The following RASSF5 variants were observed in gnomAD, a reference collection of about 807,000 sequenced individuals.
The protein encoded by RASSF5 is Ras association domain family member 5.
A neutral mutation model predicts 40.5 loss-of-function variants in RASSF5; 25 were observed. That is an observed-to-expected ratio of 0.62 (90% confidence interval 0.45 to 0.86). The LOEUF (loss-of-function observed/expected upper bound fraction) is 0.86. RASSF5 is among the 40% of genes least tolerant of loss of function. RASSF5 has a pLI of 0.00. For missense variants in RASSF5, 521 were observed against 572.8 expected, an observed-to-expected ratio of 0.91 and a Z score of 0.92; for synonymous variants, 246 against 252.4, an observed-to-expected ratio of 0.97 and a Z score of 0.24.
chr1:206,551,061 C>T (rs1172039525), intron 2 of RASSF5, among the ~76,000 whole-genome samples: 1 of 152,138 alleles, frequency 6.6e-6, no homozygotes, highest in Non-Finnish European at 1.5e-5. Context: ...TCTGTGGCCA[C>T]CAGAAATGAG....
At chr1:206,518,305 G>A (rs1401895097) in intron 1 of RASSF5, 4 of 396,520 alleles carry the variant, frequency 1.0e-5, no homozygotes, top group African/African-American at 2.1e-5. Context: ...CGAGGCCCAG[G>A]GCCCTCCCCG....
chr1:206,538,766 G>A (rs1328445937), intron 2 of RASSF5, among the ~76,000 whole-genome samples: 3 of 152,216 alleles, frequency 2.0e-5, no homozygotes, highest in African/African-American at 7.2e-5. Flanking sequence ...TTGGTTCTGG[G>A]TTTTGTAAAG....
At chr1:206,508,731 C>T (rs898741413) in intron 1 of RASSF5, among the ~76,000 whole-genome samples, 1 of 152,086 alleles carries the variant, frequency 6.6e-6, no homozygotes, top group Non-Finnish European at 1.5e-5. Flanking sequence ...TGCCTCCTCC[C>T]CTTCCTCCTC....
intron 2 of RASSF5, among the ~76,000 whole-genome samples, chr1:206,569,184 G>T (rs1259231613): frequency 4.6e-5 from 7 of 152,232 alleles, no homozygotes; most frequent in Admixed American, 4.6e-4. Flanking sequence ...TTTATTTAAC[G>T]TGTATTCGCG....
At chr1:206,557,486 C>T in intron 2 of RASSF5, 2 of 1,583,290 alleles carry the variant, frequency 1.3e-6, no homozygotes, top group Non-Finnish European at 1.7e-6. Flanking sequence ...CAAGCGGAGC[C>T]CGGGGAGGGG....
intron 1 of RASSF5, among the ~76,000 whole-genome samples, chr1:206,526,597 C>T (rs1234711865): frequency 2.0e-5 from 3 of 152,104 alleles, no homozygotes; most frequent in Non-Finnish European, 4.4e-5. Flanking sequence ...GCAATGGCTG[C>T]AGACCTCCAG....
intron 1 of RASSF5, among the ~76,000 whole-genome samples, chr1:206,523,794 A>T (rs1443134573): frequency 1.9e-5 from 2 of 102,878 alleles, no homozygotes; most frequent in African/African-American, 8.1e-5. Flanking sequence ...AATATATTTT[A>T]TATATAATGT....
rs78394637 is a variant in RASSF5 at position 206,508,050 on chromosome 1, C to A, written c.448C>A (p.Arg150Ser). ...ACGAGAGGTGCTGCGGCAGGCGCTG[C>A]GCTGCACTAGTAAGTGTGAAGGCAG... ...CGREVLRQAL[R>S]CTNCKFTCHP... Residue 150 changes from arginine (R) to serine (S), a missense_variant, in exon 1 of 6, where the codon CGC (arginine) becomes AGC (serine). This residue lies in a region of RASSF5 where 284 missense variants were observed against 360.8 expected (regional missense o/e 0.79). Transcript: ENST00000579436. The A allele has an allele frequency of 6.4e-6, 9 of 1,401,396 alleles. No individual in the cohort carries two copies. The highest frequency in any genetic ancestry group is 6.5e-6 in the Non-Finnish European group (7 of 1,077,654). The allele number at this position is 1,401,396 out of a possible 1,614,324, so 86.8% of individuals were successfully genotyped here.
Position 206,583,376 on chromosome 1 carries a change from A to G in RASSF5, c.687A>G (p.Lys229=). The change falls in exon 3 of 6, where the codon AAA becomes AAG. Residue 229 remains lysine (K), a synonymous_variant. Transcript: ENST00000579436. The stretch of plus-strand genomic sequence containing the variant: ...GAGAGAAGAACTGCCTGGGCATGAA[A>G]CTGGTAAGCGCCCGTCCACCCTCAA... The part of the protein sequence containing the change: ...NTREKNCLGM[K]LSEDGTYTGF... The G allele has an allele frequency of 3.1e-6, 5 of 1,605,958 alleles. No homozygotes were observed. Among genetic ancestry groups the G allele is most frequent in the Non-Finnish European group, 4.3e-6 (5 of 1,172,932 alleles).
intron 1 of RASSF5, among the ~76,000 whole-genome samples, chr1:206,528,736 A>T (rs561494440): frequency 6.6e-6 from 1 of 152,120 alleles, no homozygotes. Flanking sequence ...AAAAAAGTCT[A>T]TTTTAAAAAA....
chr1:206,507,757 C>T lies in RASSF5; in HGVS notation c.155C>T (p.Thr52Ile). 2 of 1,433,040 alleles carry T rather than the reference C, an allele frequency of 1.4e-6. No individual in the cohort carries two copies. Among genetic ancestry groups the T allele is most frequent in the South Asian group, 2.8e-5 (2 of 70,528 alleles). 88.8% of individuals were successfully genotyped at this position (1,433,040 alleles called of 1,614,324 possible). ...SRLCVPAPLS[T>I]APGAREGRSA... ...CTCTGTGTCCCGGCGCCCCTCTCCA[C>T]TGCGCCCGGGGCGCGCGAGGGGCGC... The change falls in exon 1 of 6, where the codon ACT becomes ATT. Residue 52 changes from threonine to isoleucine, a missense_variant. Thr to Ile is a moderately conservative substitution (Grantham distance 89). This residue lies in a region of RASSF5 where 237 missense variants were observed against 212.0 expected (regional missense o/e 1.12). Transcript: ENST00000579436.
In RASSF5 at chr1:206,535,641, C is replaced by A. The variant is rs546256609; in HGVS notation, c.458-2531C>A. ...ATCCCAGAACACTTCTCAGAGTCTT[C>A]TGCTACTTAGTGTTGTCCAGCTCAG... On this transcript the variant is annotated intron_variant, in intron 1 of 5. Coordinates refer to ENST00000579436, the MANE Select transcript of RASSF5 (RefSeq NM_182663.4). This position sits in a 1 kb window ranked among gnomAD's most constrained non-coding sequence, Gnocchi z 5.0. Among the ~76,000 whole-genome samples, 620 of 151,922 alleles carry A rather than the reference C, an allele frequency of 4.1e-3. 4 individuals are homozygous for A. The highest frequency in any genetic ancestry group is 5.5e-3 in the Non-Finnish European group (377 of 67,988).
At chr1:206,548,874 ATTTTGTTTTG>A (rs1397726401) in intron 2 of RASSF5, among the ~76,000 whole-genome samples, 13 of 151,716 alleles carry the variant, frequency 8.6e-5, no homozygotes, top group Admixed American at 4.6e-4. Context: ...GTTTTGTTTT[ATTTTGTTTTG>A]AGACAGAGTC....
intron 1 of RASSF5, among the ~76,000 whole-genome samples, chr1:206,508,848 C>A (rs1666538475): frequency 6.6e-6 from 1 of 152,118 alleles, no homozygotes; most frequent in African/African-American, 2.4e-5. Flanking sequence ...GAGCCAGGCG[C>A]TTCTCAAAGC....
intron 1 of RASSF5, among the ~76,000 whole-genome samples, chr1:206,532,758 G>T (rs139410723): frequency 1.3e-5 from 2 of 152,180 alleles, no homozygotes; most frequent in Non-Finnish European, 2.9e-5. Flanking sequence ...CTTGGTGCCC[G>T]CCTGGCCCTT....
chr1:206,552,872 C>T lies in RASSF5; in HGVS notation c.579+14579C>T, dbSNP rs1363037449. Reference sequence around the variant, plus strand: ...GGTAGGGACTGTGTCTTATTCATGCCCAAACTCAGACACTCAGTCTAGTGC... The same window carrying T: ...GGTAGGGACTGTGTCTTATTCATGCTCAAACTCAGACACTCAGTCTAGTGC... On this transcript the variant is annotated intron_variant, in intron 2 of 5. Coordinates refer to ENST00000579436, the MANE Select transcript of RASSF5 (RefSeq NM_182663.4). The surrounding 1 kb of genome is among the most constrained non-coding windows in gnomAD (Gnocchi z 4.1). 6.6e-6 allele frequency among the ~76,000 whole-genome samples: 1 copy of T among 152,068 alleles called. No individual in the cohort carries two copies. Among genetic ancestry groups the T allele is most frequent in the Non-Finnish European group, 1.5e-5 (1 of 68,020 alleles).
At chr1:206,521,833 G>A (rs566104201) in intron 1 of RASSF5, among the ~76,000 whole-genome samples, 1 of 152,190 alleles carries the variant, frequency 6.6e-6, no homozygotes, top group Admixed American at 6.5e-5. Flanking sequence ...AGGGCCCAGA[G>A]CCCAGGGCTG....
intron 1 of RASSF5, among the ~76,000 whole-genome samples, chr1:206,524,286 ATATT>A (rs1667025971): frequency 7.1e-6 from 1 of 140,650 alleles, no homozygotes; most frequent in Admixed American, 7.5e-5. Flanking sequence ...CATTTTATAT[ATATT>A]ATAGATACCA....
chr1:206,579,746 A>G lies in RASSF5; in HGVS notation c.580-3523A>G, dbSNP rs1286856049. Among the ~76,000 whole-genome samples, 4 of 152,218 alleles carry G rather than the reference A, an allele frequency of 2.6e-5. No individual in the cohort carries two copies. The highest frequency in any genetic ancestry group is 5.9e-5 in the Non-Finnish European group (4 of 68,026). The stretch of plus-strand genomic sequence containing the variant: ...ATGAAGCCCAGGCAGCTAAGTTTCT[A>G]AAGATCCCCCAGATGATTGCACTGT... On this transcript the variant is annotated intron_variant, in intron 2 of 5. Coordinates refer to ENST00000579436, the MANE Select transcript of RASSF5 (RefSeq NM_182663.4). The surrounding 1 kb of genome is among the most constrained non-coding windows in gnomAD (Gnocchi z 4.2).
Sources: gnomAD v4.1 joint callset for allele counts (sites outside exome capture counted in the v4.1 genomes callset) on GRCh38, gnomAD v4.1.1 for gene constraint, gnomAD v4.1.1 regional missense constraint, Gnocchi (gnomAD v3.1) non-coding constraint, MANE v1.5 for transcripts, NCBI Gene and HGNC (gene_info 2026-07-23, HGNC 2026-07-21) for gene names.